The following SH2B1 variants were observed in gnomAD, a reference collection of about 807,000 sequenced individuals.
SH2B1 encodes SH2B adaptor protein 1.
SH2B1 carries 15 observed loss-of-function variants against 62.6 expected under a neutral mutation model. The observed-to-expected ratio is 0.24, with a 90% CI of 0.16 to 0.37. The LOEUF is 0.37. SH2B1 is among the 10% of genes least tolerant of loss of function. The pLI is 1.00. For synonymous variants in SH2B1, 443 were observed against 438.0 expected (o/e 1.01, Z -0.14); for missense variants, 925 against 1,015.6 (o/e 0.91, Z 1.21).
At position 28,866,405 on chromosome 16, in the gene SH2B1, A is replaced by G; in HGVS notation, c.311A>G (p.His104Arg). 1.9e-6 allele frequency: 3 copies of G among 1,613,820 alleles called. No homozygotes were observed. Among genetic ancestry groups the G allele is most frequent in the South Asian group, 1.1e-5 (1 of 91,084 alleles). The change falls in exon 1 of 8, where the codon CAT (histidine) becomes CGT (arginine). Residue 104 changes from histidine to arginine, a missense_variant. Coordinates refer to ENST00000684370, the MANE Select transcript of SH2B1 (RefSeq NM_001387430.1). The surrounding 1 kb of genome is among the most constrained non-coding windows in gnomAD (Gnocchi z 6.3). ...AGCCCTGGTGCGGAGATTTCGCCACATGACCTGTCCCTTGAGAGCTGCAGG... is the reference window on the plus strand; with the variant it reads ...AGCCCTGGTGCGGAGATTTCGCCACGTGACCTGTCCCTTGAGAGCTGCAGG... The part of the protein sequence containing the change: ...PLSPGAEISP[H>R]DLSLESCRVG...
chr16:28,860,545 C>G (rs1696494651), upstream of SH2B1, among the ~76,000 whole-genome samples: 1 of 152,076 alleles, frequency 6.6e-6, no homozygotes, highest in Middle Eastern at 3.4e-3. Flanking sequence ...GCCCAGCCTC[C>G]TCCCACTTCT....
chr16:28,865,727 T>G lies in SH2B1; in HGVS notation c.-368T>G. 1 of 1,030,186 alleles carries G rather than the reference T, an allele frequency of 9.7e-7. No individual in the cohort carries two copies. Among genetic ancestry groups the G allele is most frequent in the Non-Finnish European group, 1.2e-6 (1 of 860,006 alleles). 63.8% of individuals were successfully genotyped at this position (1,030,186 alleles called of 1,614,324 possible). Reference sequence around the variant, plus strand: ...GGGGGTGATCTGGAAAAGTTCCCTTTTTTAGGGGGAAGGTGCTCCAAAGCC... The same window carrying G: ...GGGGGTGATCTGGAAAAGTTCCCTTGTTTAGGGGGAAGGTGCTCCAAAGCC... On this transcript the variant is annotated 5_prime_UTR_variant, in exon 1 of 8. Transcript: ENST00000684370.
intron 1 of SH2B1, among the ~76,000 whole-genome samples, chr16:28,848,432 C>A (rs1013132532): frequency 1.3e-5 from 2 of 151,512 alleles, no homozygotes; most frequent in Non-Finnish European, 2.9e-5. Context: ...AGCGAGACTC[C>A]GTCTCCAAAA....
intron 1 of SH2B1, among the ~76,000 whole-genome samples, chr16:28,857,401 G>T (rs1418457042): frequency 1.3e-5 from 2 of 151,794 alleles, no homozygotes; most frequent in Non-Finnish European, 2.9e-5. Context: ...CTCATAATGG[G>T]GAGTGGGGGC....
chr16:28,852,209 TA>T (rs1962117378), intron 1 of SH2B1, among the ~76,000 whole-genome samples: 1 of 78,816 alleles, frequency 1.3e-5, no homozygotes, highest in East Asian at 6.0e-4. Flanking sequence ...TATATTTACA[TA>T]TATATATTTA....
intron 4 of SH2B1, among the ~76,000 whole-genome samples, chr16:28,870,525 C>G (rs867770906): frequency 1.3e-5 from 2 of 151,990 alleles, no homozygotes; most frequent in African/African-American, 2.4e-5. Context: ...GACATGAATA[C>G]AAGGTAAGGT....
chr16:28,860,456 G>A (rs1345671069), upstream of SH2B1, among the ~76,000 whole-genome samples: 4 of 151,684 alleles, frequency 2.6e-5, no homozygotes, highest in Admixed American at 6.6e-5. Flanking sequence ...TTGGCCAGGC[G>A]GGTCTCAAAC....
chr16:28,852,221 C>CATAT (rs201261917), intron 1 of SH2B1, among the ~76,000 whole-genome samples: 1 of 39,418 alleles, frequency 2.5e-5, no homozygotes, highest in African/African-American at 2.2e-4. Context: ...TATATATTTA[C>CATAT]ATATATATTT....
chr16:28,858,348 A>T (rs1194824466), intron 1 of SH2B1, among the ~76,000 whole-genome samples: 1 of 152,016 alleles, frequency 6.6e-6, no homozygotes, highest in African/African-American at 2.4e-5. Context: ...CCCTGTCTCT[A>T]CTAAAAATAC....
chr16:28,866,908 G>A lies in SH2B1; in HGVS notation c.814G>A (p.Gly272Arg), dbSNP rs1962742749. ...TGACCCAGCCGGAGTGGGCCGGGGA[G>A]GAGGGGTGGCTGGGCCTCCTTCAGG... is the stretch of plus-strand genomic sequence containing the variant. ...APDPAGVGRG[G>R]GVAGPPSGGG... Residue 272 changes from glycine (G) to arginine (R), a missense_variant, in exon 1 of 8, where the codon GGA (glycine) becomes AGA (arginine). Coordinates refer to ENST00000684370, the MANE Select transcript of SH2B1 (RefSeq NM_001387430.1). The surrounding 1 kb of genome is among the most constrained non-coding windows in gnomAD (Gnocchi z 6.3). 6.2e-7 allele frequency: 1 copy of A among 1,612,280 alleles called. No individual in the cohort carries two copies. The highest frequency in any genetic ancestry group is 8.5e-7 in the Non-Finnish European group (1 of 1,179,808).
chr16:28,852,448 T>A lies in SH2B1; in HGVS notation c.-301+5621T>A, dbSNP rs559560109. Among the ~76,000 whole-genome samples the A allele has an allele frequency of 1.5e-4, 9 of 59,710 alleles. 1 individual carries two copies. The highest frequency in any genetic ancestry group is 3.6e-4 in the African/African-American group (5 of 13,890). The allele number at this position is 59,710 out of a possible 152,430, so 39.2% of individuals were successfully genotyped here. A position where few individuals can be genotyped will look rare whatever the true frequency, so the allele number is the denominator to read the frequency against. On this transcript the variant is annotated intron_variant, in intron 1 of 10. Transcript: ENST00000322610. ...TTTACATATATATTTATATATATATTTACATATATATTTATATATATACAT... is the reference window on the plus strand; with the variant it reads ...TTTACATATATATTTATATATATATATACATATATATTTATATATATACAT...
intron 1 of SH2B1, among the ~76,000 whole-genome samples, chr16:28,849,506 GAATT>G (rs556528346): frequency 5.3e-4 from 80 of 152,134 alleles, no homozygotes; most frequent in African/African-American, 1.8e-3. Flanking sequence ...GGTGGTATTT[GAATT>G]AATGGTTTAT....
intron 4 of SH2B1, among the ~76,000 whole-genome samples, chr16:28,870,084 T>G (rs1962947776): frequency 6.6e-6 from 1 of 152,156 alleles, no homozygotes; most frequent in African/African-American, 2.4e-5. Flanking sequence ...CCACCCTGTT[T>G]CCCAAGCCAT....
upstream of SH2B1, among the ~76,000 whole-genome samples, chr16:28,860,918 G>A (rs1274013662): frequency 6.6e-6 from 1 of 151,510 alleles, no homozygotes; most frequent in Non-Finnish European, 1.5e-5. Flanking sequence ...CCAGGTTCAA[G>A]CGATTCTCGT....
intron 1 of SH2B1, among the ~76,000 whole-genome samples, chr16:28,853,522 C>CTT (rs543507752): frequency 0.025 from 3,196 of 127,100 alleles, 149 homozygotes; most frequent in African/African-American, 0.084. Flanking sequence ...CCCACTTTTT[C>CTT]TTTTTTTTTT....
rs369086070 is a variant in SH2B1, at chr16:28,852,828, TTATA to T, written c.-301+6010_-301+6013del. ...TATTTACATATATTTACATATATAT[TTATA>T]TATATATACATATATATATTTTTAT... is the stretch of plus-strand genomic sequence containing the variant. On this transcript the variant is annotated intron_variant, in intron 1 of 10. Coordinates refer to the SH2B1 transcript ENST00000322610. Among the ~76,000 whole-genome samples the T allele has an allele frequency of 2.2e-3, 130 of 58,632 alleles. 12 individuals are homozygous for T. The highest frequency in any genetic ancestry group is 9.4e-3 in the African/African-American group (124 of 13,252). 38.5% of individuals were successfully genotyped at this position (58,632 alleles called of 152,430 possible).
chr16:28,852,364 TTATA>T (rs1162355197), intron 1 of SH2B1, among the ~76,000 whole-genome samples: 1 of 83,658 alleles, frequency 1.2e-5, no homozygotes, highest in Non-Finnish European at 2.0e-5. Context: ...ATATATATAT[TTATA>T]TATATTTACA....
upstream of SH2B1, chr16:28,863,562 G>T: frequency 4.0e-6 from 4 of 997,328 alleles, no homozygotes; most frequent in Non-Finnish European, 5.9e-6. Context: ...ATCCCCTAAG[G>T]CCGGTTCTCT....
chr16:28,864,724 T>A lies in SH2B1; in HGVS notation c.-1371T>A, dbSNP rs1234838638. On this transcript the variant is annotated 5_prime_UTR_variant, in exon 1 of 8. Coordinates refer to ENST00000684370, the MANE Select transcript of SH2B1 (RefSeq NM_001387430.1). ...CTAACAAGAGCCAAGGGTTGTAAAT[T>A]CCACACCCAGCTCTGCCACTTTCTA... 2 of 927,326 alleles carry A rather than the reference T, an allele frequency of 2.2e-6. No individual in the cohort carries two copies. The highest frequency in any genetic ancestry group is 2.6e-6 in the Non-Finnish European group (2 of 777,144). The allele number at this position is 927,326 out of a possible 1,614,324, so 57.4% of individuals were successfully genotyped here.
Sources: allele counts gnomAD v4.1 joint callset (sites outside exome capture counted in the v4.1 genomes callset), GRCh38; gene constraint gnomAD v4.1.1; non-coding constraint Gnocchi (gnomAD v3.1); transcripts MANE v1.5; gene names NCBI Gene and HGNC (gene_info 2026-07-23, HGNC 2026-07-21).